The following CAST variants were observed in gnomAD, a reference collection of about 807,000 sequenced individuals.
CAST encodes calpastatin, also known as MIR583 host.
A neutral mutation model predicts 119.6 loss-of-function variants in CAST; 76 were observed. The observed-to-expected ratio is 0.64, with a 90% CI of 0.53 to 0.77. The LOEUF is 0.77. Ranked by LOEUF, CAST falls within the 30% of genes least tolerant of loss-of-function variation. CAST has a pLI of 0.00. For missense variants in CAST, 953 were observed against 946.5 expected (o/e 1.01, Z -0.09); for synonymous variants, 319 against 331.6 (o/e 0.96, Z 0.41).
chr5:96,489,574 T>C, the CAST span, among the ~76,000 whole-genome samples: 3 of 152,320 alleles, frequency 2.0e-5, no homozygotes, highest in South Asian at 6.2e-4. Context: ...TGAGCACATA[T>C]GAATCCTGGC....
chr5:96,440,826 G>C, the CAST span, among the ~76,000 whole-genome samples: 75 of 152,260 alleles, frequency 4.9e-4, no homozygotes, highest in Non-Finnish European at 9.0e-4. Flanking sequence ...AGAGGCAATG[G>C]CTTTAATTTT....
At chr5:96,695,968 G>C (rs879152201) in intron 3 of CAST, 61 bp downstream of exon 3, 2 of 1,145,886 alleles carry the variant, frequency 1.7e-6, no homozygotes, top group African/African-American at 3.0e-5. Context: ...ATGATTAGTG[G>C]GTGGGGCCTG....
chr5:96,700,368 T>C (rs1753734819), intron 3 of CAST, among the ~76,000 whole-genome samples: 1 of 152,212 alleles, frequency 6.6e-6, no homozygotes, highest in African/African-American at 2.4e-5. Context: ...ACATAATATA[T>C]CTATGGCAGG....
the CAST span, among the ~76,000 whole-genome samples, chr5:96,132,739 A>G: frequency 6.3e-3 from 966 of 152,298 alleles, 10 homozygotes; most frequent in African/African-American, 0.022. Flanking sequence ...GAGAACAGAC[A>G]GAAGGAAAAT....
intron 25 of CAST, 137 bp downstream of exon 25, chr5:96,762,509 C>A: frequency 3.6e-6 from 2 of 560,400 alleles, no homozygotes; most frequent in African/African-American, 1.9e-5. Context: ...TCAGAAGAGC[C>A]GAGACTGATG....
chr5:96,177,608 C>T, the CAST span, among the ~76,000 whole-genome samples: 2 of 152,206 alleles, frequency 1.3e-5, no homozygotes, highest in African/African-American at 4.8e-5. Context: ...AAATAGCCAG[C>T]ACCTTTGAAA....
chr5:96,195,192 A>G, the CAST span, among the ~76,000 whole-genome samples: 1 of 152,248 alleles, frequency 6.6e-6, no homozygotes, highest in African/African-American at 2.4e-5. Flanking sequence ...TTAACAAACT[A>G]GAGATGTGAT....
chr5:96,568,347 T>C (rs2150186443), intron 1 of CAST, among the ~76,000 whole-genome samples: 1 of 152,158 alleles, frequency 6.6e-6, no homozygotes, highest in Admixed American at 6.5e-5. Flanking sequence ...GGCAGATCAC[T>C]TGAGGTCAGG....
intron 3 of CAST, among the ~76,000 whole-genome samples, chr5:96,721,572 TGGGTGTTGTTGGCA>T (rs1283466721): frequency 1.3e-5 from 2 of 152,168 alleles, no homozygotes; most frequent in Non-Finnish European, 2.9e-5. Context: ...CTTCCTTCCC[TGGGTGTTGTTGGCA>T]GGGTAGCAGC....
chr5:96,067,254 A>G, the CAST span, among the ~76,000 whole-genome samples: 1 of 152,040 alleles, frequency 6.6e-6, no homozygotes, highest in Non-Finnish European at 1.5e-5. Flanking sequence ...TTTTCTTTTT[A>G]TTTTCCTTTT....
intron 1 of CAST, among the ~76,000 whole-genome samples, chr5:96,647,716 G>A (rs1748033995): frequency 6.6e-6 from 1 of 152,146 alleles, no homozygotes. Context: ...CCGTGTGAGA[G>A]TGGAATTACA....
chr5:96,549,549 G>A lies in CAST; in HGVS notation c.60+19669G>A, dbSNP rs143987352. Among the ~76,000 whole-genome samples, 492 of 152,316 alleles carry A rather than the reference G, an allele frequency of 3.2e-3. 2 individuals carry two copies. The highest frequency in any genetic ancestry group is 0.01 in the Middle Eastern group (3 of 294). On this transcript the variant is annotated intron_variant, in intron 1 of 11. Coordinates refer to the CAST transcript ENST00000505143. Reference sequence around the variant, plus strand: ...ATCTCATTGGGACTGGTTGTACAGTGGGTGAAGCCCATGGTGGGCGAGTGG... The same window carrying A: ...ATCTCATTGGGACTGGTTGTACAGTAGGTGAAGCCCATGGTGGGCGAGTGG...
chr5:96,675,339 T>G (rs75759400), intron 1 of CAST, among the ~76,000 whole-genome samples, 200 bp from the exon 2 acceptor site: 2,694 of 152,292 alleles, frequency 0.018, 85 homozygotes, highest in African/African-American at 0.062. Context: ...CAGACTGACC[T>G]TCTAGATTCC....
At chr5:96,066,653 A>G in the CAST span, among the ~76,000 whole-genome samples, 405 of 151,862 alleles carry the variant, frequency 2.7e-3, 1 homozygote, top group African/African-American at 8.8e-3. Flanking sequence ...GTTTTTTTAA[A>G]TTTTTAAAAA....
At chr5:96,335,236 C>T in the CAST span, among the ~76,000 whole-genome samples, 508 of 152,338 alleles carry the variant, frequency 3.3e-3, 3 homozygotes, top group African/African-American at 0.012. Flanking sequence ...AAAGAGTTAC[C>T]TATACTCAGT....
the CAST span, among the ~76,000 whole-genome samples, chr5:96,087,113 A>G: frequency 1.3e-5 from 2 of 152,222 alleles, no homozygotes; most frequent in Non-Finnish European, 2.9e-5. Context: ...CAACTTGCTC[A>G]ATAGTTACAT....
At chr5:96,266,107 G>A in the CAST span, among the ~76,000 whole-genome samples, 6 of 152,132 alleles carry the variant, frequency 3.9e-5, no homozygotes, top group East Asian at 1.2e-3. Flanking sequence ...ACATTACTGA[G>A]ATTATAACCA....
rs546444123 is a variant in CAST at position 96,609,170 on chromosome 5, T to A, written c.61-66369T>A. On this transcript the variant is annotated intron_variant, in intron 1 of 11. Transcript: ENST00000505143. ...TATGTAATCCTCATCATTTTTCCTT[T>A]AAAAACCTTTACCTCCTTGAGTATT... is the stretch of plus-strand genomic sequence containing the variant. Among the ~76,000 whole-genome samples the A allele has an allele frequency of 2.0e-5, 3 of 152,340 alleles. No homozygotes were observed. The South Asian group carries it at 6.2e-4, about 32-fold the overall frequency.
the CAST span, chr5:96,412,777 G>A: frequency 5.4e-6 from 1 of 185,696 alleles, no homozygotes; most frequent in South Asian, 4.8e-5. Flanking sequence ...TTTTTTTTTG[G>A]TCCCACTCAA....
Sources: gnomAD v4.1 joint callset for allele counts (sites outside exome capture counted in the v4.1 genomes callset) on GRCh38, gnomAD v4.1.1 for gene constraint, MANE v1.5 for transcripts, NCBI Gene and HGNC (gene_info 2026-07-23, HGNC 2026-07-21) for gene names.